NTRK3: variants seen among roughly 807,000 people sequenced by gnomAD.
NTRK3 encodes NT-3 growth factor receptor.
Under a neutral mutation model 91.7 loss-of-function variants are expected in NTRK3, and 24 were observed. The observed-to-expected ratio is 0.26, with a 90% CI of 0.19 to 0.37. The LOEUF is 0.37. Ranked by LOEUF, NTRK3 falls within the 10% of genes least tolerant of loss-of-function variation. NTRK3 has a pLI of 1.00. For missense variants in NTRK3, 880 were observed against 1,068.9 expected, an observed-to-expected ratio of 0.82 and a Z score of 2.46; for synonymous variants, 483 against 404.0, an observed-to-expected ratio of 1.20 and a Z score of -2.34.
intron 17 of NTRK3, among the ~76,000 whole-genome samples, chr15:87,896,577 T>C (rs1047744093): frequency 6.6e-6 from 1 of 152,192 alleles, no homozygotes; most frequent in Non-Finnish European, 1.5e-5. Flanking sequence ...TCCTTCTTTT[T>C]ATCCTGGTGT....
At chr15:87,945,822 A>AC (rs1567137854) in intron 14 of NTRK3, among the ~76,000 whole-genome samples, 2 of 151,702 alleles carry the variant, frequency 1.3e-5, no homozygotes, top group South Asian at 2.1e-4. Flanking sequence ...AAAAAAAAAA[A>AC]AAAAAAACAG....
Position 88,145,084 on chromosome 15 carries a change from G to A in NTRK3, c.464+2251C>T, listed in dbSNP as rs2042763761. ...ATACACAACCCATCCCCACGCCCCA[G>A]CCCACAGGCTCCATCGAGCAGACCC... On this transcript the variant is annotated intron_variant, in intron 6 of 18. Coordinates refer to ENST00000394480, the Ensembl canonical transcript of NTRK3. Among the ~76,000 whole-genome samples the A allele has an allele frequency of 2.0e-5, 3 of 152,230 alleles. No individual in the cohort carries two copies. In the South Asian group the frequency reaches 6.2e-4, roughly 32 times the overall value.
intron 5 of NTRK3, among the ~76,000 whole-genome samples, chr15:88,174,751 G>A (rs2045840111): frequency 6.6e-6 from 1 of 152,184 alleles, no homozygotes; most frequent in Non-Finnish European, 1.5e-5. Context: ...CAGGCCAGCT[G>A]TCACCTGCTC....
chr15:88,120,535 G>A (rs748623572), intron 13 of NTRK3, among the ~76,000 whole-genome samples: 3 of 152,136 alleles, frequency 2.0e-5, no homozygotes, highest in South Asian at 2.1e-4. Context: ...CTTCCTTCCC[G>A]GCCTTCCCAC....
intron 13 of NTRK3, among the ~76,000 whole-genome samples, chr15:88,057,410 A>C (rs562944233): frequency 2.6e-5 from 4 of 152,028 alleles, no homozygotes; most frequent in African/African-American, 9.6e-5. Flanking sequence ...AGGTGGGAGA[A>C]ACGCTGGAAT....
intron 14 of NTRK3, among the ~76,000 whole-genome samples, chr15:88,003,697 T>C (rs1338888655): frequency 1.3e-5 from 2 of 152,082 alleles, no homozygotes; most frequent in Non-Finnish European, 2.9e-5. Flanking sequence ...GAATCACTCA[T>C]TGCTAAGCCA....
intron 13 of NTRK3, among the ~76,000 whole-genome samples, chr15:88,037,794 T>A (rs998484669): frequency 6.6e-6 from 1 of 152,240 alleles, no homozygotes; most frequent in Non-Finnish European, 1.5e-5. Context: ...TATTATTGAA[T>A]ACTTCCTACA....
chr15:88,099,080 AAG>A, intron 13 of NTRK3: 1 of 230,958 alleles, frequency 4.3e-6, no homozygotes, highest in East Asian at 6.1e-5. Context: ...ACAGGGCTGA[AAG>A]AGCATTGTAG....
At chr15:87,882,364 CA>C (rs2065300788) in intron 17 of NTRK3, among the ~76,000 whole-genome samples, 1 of 152,008 alleles carries the variant, frequency 6.6e-6, no homozygotes, top group Non-Finnish European at 1.5e-5. Flanking sequence ...TCTAGAAAAA[CA>C]GTAAAAATAA....
chr15:88,241,510 C>T lies in NTRK3; in HGVS notation c.248+14396G>A, dbSNP rs769069487. Among the ~76,000 whole-genome samples the T allele has an allele frequency of 2.6e-5, 4 of 152,130 alleles. No individual in the cohort carries two copies. The highest frequency in any genetic ancestry group is 5.9e-5 in the Non-Finnish European group (4 of 68,016). On this transcript the variant is annotated intron_variant, in intron 3 of 18. Coordinates refer to ENST00000394480, the Ensembl canonical transcript of NTRK3. This position sits in a 1 kb window ranked among gnomAD's most constrained non-coding sequence, Gnocchi z 4.3. Reference sequence around the variant, plus strand: ...GGTCACTCTCCTGCCACTTCTGCTTCCCCAGGGCCCAGGGAGCTGCTCTGG... The same window carrying T: ...GGTCACTCTCCTGCCACTTCTGCTTTCCCAGGGCCCAGGGAGCTGCTCTGG...
At chr15:88,062,884 TGCCAAAG>T (rs1206846765) in intron 13 of NTRK3, among the ~76,000 whole-genome samples, 1 of 152,244 alleles carries the variant, frequency 6.6e-6, no homozygotes, top group African/African-American at 2.4e-5. Flanking sequence ...GCTTCCCCTG[TGCCAAAG>T]GCCAAAGGCC....
exon 19 of NTRK3, chr15:87,863,994 T>TACACACACAC (rs879080380): frequency 2.6e-4 from 57 of 218,414 alleles, no homozygotes; most frequent in African/African-American, 9.9e-4. Flanking sequence ...CACACACACA[T>TACACACACAC]ACACACACAC....
intron 14 of NTRK3, among the ~76,000 whole-genome samples, chr15:87,980,462 T>C (rs1366626741): frequency 1.3e-5 from 2 of 152,200 alleles, no homozygotes; most frequent in East Asian, 1.9e-4. Context: ...CCTGTGTGTT[T>C]TCATGTGGAT....
intron 17 of NTRK3, chr15:87,916,223 C>A: frequency 3.7e-6 from 1 of 268,056 alleles, no homozygotes; most frequent in Non-Finnish European, 7.1e-6. Context: ...TCTTTACTTG[C>A]AAATATCTTA....
intron 17 of NTRK3, among the ~76,000 whole-genome samples, chr15:87,906,737 A>C (rs2066790159): frequency 6.6e-6 from 1 of 152,078 alleles, no homozygotes; most frequent in African/African-American, 2.4e-5. Flanking sequence ...GTCCCTACCT[A>C]AACTACACAC....
chr15:88,146,995 G>T (rs1173129058), intron 6 of NTRK3, among the ~76,000 whole-genome samples: 1 of 151,880 alleles, frequency 6.6e-6, no homozygotes, highest in African/African-American at 2.4e-5. Flanking sequence ...ATGCCTAATA[G>T]TCTATAAAGT....
At chr15:88,074,183 A>T (rs1474956624) in intron 13 of NTRK3, among the ~76,000 whole-genome samples, 1 of 152,180 alleles carries the variant, frequency 6.6e-6, no homozygotes, top group Non-Finnish European at 1.5e-5. Context: ...GGAGACAGAG[A>T]CTCAGAGGAC....
chr15:88,139,143 G>A (rs1251996135), intron 6 of NTRK3, among the ~76,000 whole-genome samples: 1 of 152,188 alleles, frequency 6.6e-6, no homozygotes, highest in Non-Finnish European at 1.5e-5. Context: ...GAAGAAGAAT[G>A]TTTGATAGGG....
chr15:88,130,647 A>G (rs1328810589), intron 10 of NTRK3, among the ~76,000 whole-genome samples: 2 of 152,206 alleles, frequency 1.3e-5, no homozygotes, highest in Non-Finnish European at 2.9e-5. Flanking sequence ...CTAGAAATTA[A>G]TCATTAAGAA....
Sources: gnomAD v4.1 joint callset for allele counts (sites outside exome capture counted in the v4.1 genomes callset) on GRCh38, gnomAD v4.1.1 for gene constraint, Gnocchi (gnomAD v3.1) non-coding constraint, MANE v1.5 for transcripts, NCBI Gene and HGNC (gene_info 2026-07-23, HGNC 2026-07-21) for gene names.